The following TBCD variants were observed in gnomAD, a reference collection of about 807,000 sequenced individuals.
TBCD encodes the protein tubulin-specific chaperone D.
A neutral mutation model predicts 169.3 loss-of-function variants in TBCD; 105 were observed. That is an observed-to-expected ratio of 0.62 (90% CI 0.53 to 0.73). The LOEUF (loss-of-function observed/expected upper bound fraction) is 0.73. Ranked by LOEUF, TBCD falls within the 30% of genes least tolerant of loss-of-function variation. The pLI is 0.00. For missense variants in TBCD, 1,444 were observed against 1,600.1 expected (o/e 0.90, Z 1.66); for synonymous variants, 700 against 643.9 (o/e 1.09, Z -1.32).
At chr17:82,939,769 A>G (rs2062957103) in intron 37 of TBCD, among the ~76,000 whole-genome samples, 1 of 152,204 alleles carries the variant, frequency 6.6e-6, no homozygotes, top group Non-Finnish European at 1.5e-5. Flanking sequence ...TGGCCTGTGG[A>G]GCAGAGGGCA....
Position 82,752,152 on chromosome 17 carries a change from T to G in TBCD, c.-42T>G, listed in dbSNP as rs986519011. The G allele has an allele frequency of 1.4e-6, 2 of 1,471,218 alleles. No homozygotes were observed. The highest frequency in any genetic ancestry group is 3.0e-5 in the African/African-American group (2 of 67,524). The allele number at this position is 1,471,218 out of a possible 1,614,324, so 91.1% of individuals were successfully genotyped here. A position where few individuals can be genotyped will look rare whatever the true frequency, so the allele number is the denominator to read the frequency against. On this transcript the variant is annotated 5_prime_UTR_variant, in exon 1 of 39. Transcript: ENST00000355528. ...TTTCGCGCTCTAGCGGAGTGGGATCTGCGAACACGTGAGGCGGGGGCGCGG... is the reference window on the plus strand; with the variant it reads ...TTTCGCGCTCTAGCGGAGTGGGATCGGCGAACACGTGAGGCGGGGGCGCGG...
At chr17:82,791,091 CTTTTTT>C (rs35648641) in intron 7 of TBCD, among the ~76,000 whole-genome samples, 1 of 124,652 alleles carries the variant, frequency 8.0e-6, no homozygotes, top group Admixed American at 8.6e-5. Flanking sequence ...TCTCTTGCAT[CTTTTTT>C]TTTTTTTTTT....
intron 13 of TBCD, chr17:82,838,654 G>C: frequency 2.0e-6 from 2 of 985,448 alleles, no homozygotes; most frequent in South Asian, 9.4e-5. Flanking sequence ...CTTTTCCAGT[G>C]ATTGACTGCC....
Position 82,809,719 on chromosome 17 carries a change from T to C in TBCD, c.1160T>C (p.Met387Thr). ...CGTTTCTCTTTCAGCATCGGTAGGA[T>C]GGCTGGCAGGCTTCCCAGAGCCCTG... is the stretch of plus-strand genomic sequence containing the variant. ...RWSAAKGIGR[M>T]AGRLPRALAD... Residue 387 changes from methionine (M) to threonine (T), a missense_variant, in exon 12 of 39, where the codon ATG becomes ACG. By Grantham distance (81) the Met-to-Thr change is moderately conservative. Coordinates refer to ENST00000355528, the MANE Select transcript of TBCD (RefSeq NM_005993.5). 1.2e-6 allele frequency: 2 copies of C among 1,612,946 alleles called. No homozygotes were observed. The highest frequency in any genetic ancestry group is 1.1e-5 in the South Asian group (1 of 90,912).
chr17:82,906,345 C>T (rs1053746651), intron 20 of TBCD, among the ~76,000 whole-genome samples: 3 of 152,236 alleles, frequency 2.0e-5, no homozygotes, highest in Non-Finnish European at 4.4e-5. Flanking sequence ...CCTTGTGCAC[C>T]TCCTGGTCTC....
intron 2 of TBCD, among the ~76,000 whole-genome samples, chr17:82,757,085 T>A (rs894676016): frequency 2.6e-5 from 4 of 152,204 alleles, no homozygotes; most frequent in Non-Finnish European, 4.4e-5. Flanking sequence ...GCAGTTCACC[T>A]GGGAAAGAGG....
At chr17:82,790,877 T>C (rs1241970216) in intron 7 of TBCD, among the ~76,000 whole-genome samples, 4 of 152,112 alleles carry the variant, frequency 2.6e-5, no homozygotes, top group Admixed American at 6.5e-5. Flanking sequence ...GACCCCTCTC[T>C]GACCTCAGAC....
intron 14 of TBCD, among the ~76,000 whole-genome samples, chr17:82,875,837 C>G (rs1178153115): frequency 6.6e-6 from 1 of 152,176 alleles, no homozygotes; most frequent in African/African-American, 2.4e-5. Flanking sequence ...AATCCTGCCT[C>G]CACGTCAGCT....
At chr17:82,852,605 G>A (rs970468506) in intron 13 of TBCD, among the ~76,000 whole-genome samples, 5 of 152,266 alleles carry the variant, frequency 3.3e-5, no homozygotes, top group South Asian at 4.1e-4. Flanking sequence ...TAGCAGATCC[G>A]GGCCCCACTT....
Position 82,884,439 on chromosome 17 carries a change from G to A in TBCD, c.1533+237G>A, listed in dbSNP as rs915027927. On this transcript the variant is annotated intron_variant, in intron 15 of 38. Coordinates refer to ENST00000355528, the MANE Select transcript of TBCD (RefSeq NM_005993.5). This position sits in a 1 kb window ranked among gnomAD's most constrained non-coding sequence, Gnocchi z 4.2. The stretch of plus-strand genomic sequence containing the variant: ...CCCCAGAGCTGCAGCCATCACTGCT[G>A]GGGGTTGATGGGTGATGGAGGCGAG... 1.5e-4 allele frequency among the ~76,000 whole-genome samples: 23 copies of A among 152,240 alleles called. No individual in the cohort carries two copies. Among genetic ancestry groups the A allele is most frequent in the Non-Finnish European group, 2.5e-4 (17 of 68,036 alleles).
At chr17:82,800,142 G>T (rs1167143671) in intron 8 of TBCD, among the ~76,000 whole-genome samples, 2 of 151,376 alleles carry the variant, frequency 1.3e-5, no homozygotes, top group African/African-American at 4.9e-5. Flanking sequence ...TCAGTTGGTT[G>T]CAGTCTTGTC....
At chr17:82,856,018 T>TTG (rs1555617641) in intron 13 of TBCD, among the ~76,000 whole-genome samples, 1 of 144,124 alleles carries the variant, frequency 6.9e-6, no homozygotes, top group African/African-American at 2.6e-5. Flanking sequence ...TTTTTTTTTT[T>TTG]GTAGAGACAG....
At chr17:82,941,364 A>C in intron 37 of TBCD, 35 bp from the exon 38 acceptor site, 2 of 1,529,346 alleles carry the variant, frequency 1.3e-6, no homozygotes, top group Non-Finnish European at 1.8e-6. Context: ...TCCGGTGGGC[A>C]CTCGAGAGAC....
intron 6 of TBCD, among the ~76,000 whole-genome samples, chr17:82,773,645 C>T (rs780817395): frequency 4.6e-5 from 7 of 152,116 alleles, no homozygotes; most frequent in South Asian, 4.2e-4. Flanking sequence ...CTTTGCACCA[C>T]GGACCAGGAG....
At chr17:82,896,552 A>G (rs1280740211) in intron 17 of TBCD, among the ~76,000 whole-genome samples, 1 of 143,724 alleles carries the variant, frequency 7.0e-6, no homozygotes, top group Admixed American at 7.3e-5. Flanking sequence ...TGCAGCCTCG[A>G]CCTCTTGAGT....
At chr17:82,929,060 C>A in intron 30 of TBCD, 53 bp from the exon 31 acceptor site, 6 of 1,580,086 alleles carry the variant, frequency 3.8e-6, no homozygotes, top group Non-Finnish European at 5.1e-6. Flanking sequence ...AGTTTACCGC[C>A]CGCTCTTAAT....
Position 82,942,740 on chromosome 17 carries a change from G to A in TBCD, c.*277G>A. On this transcript the variant is annotated 3_prime_UTR_variant, in exon 39 of 39. Transcript: ENST00000355528. ...TTTGTCTCTGAGCCTGATGTGTGTA[G>A]GGGTGATGGAAAGGCTCACTGCCCA... is the stretch of plus-strand genomic sequence containing the variant. The A allele has an allele frequency of 1.8e-6, 1 of 549,800 alleles. No individual in the cohort carries two copies. The highest frequency in any genetic ancestry group is 3.2e-6 in the Non-Finnish European group (1 of 309,624). 34.1% of individuals were successfully genotyped at this position (549,800 alleles called of 1,614,324 possible). A position where few individuals can be genotyped will look rare whatever the true frequency, so the allele number is the denominator to read the frequency against.
intron 28 of TBCD, 68 bp downstream of exon 28, chr17:82,926,559 G>C (rs527471342): frequency 3.6e-6 from 5 of 1,379,408 alleles, no homozygotes; most frequent in East Asian, 2.3e-5. Flanking sequence ...CGCTAAGGGG[G>C]ATGTTTTTGC....
intron 13 of TBCD, among the ~76,000 whole-genome samples, chr17:82,860,841 A>G (rs2056696601): frequency 6.6e-6 from 1 of 152,206 alleles, no homozygotes; most frequent in African/African-American, 2.4e-5. Flanking sequence ...GAGGGAGGCC[A>G]GGAGGCCCTT....
Sources: gnomAD v4.1 joint callset for allele counts (sites outside exome capture counted in the v4.1 genomes callset) on GRCh38, gnomAD v4.1.1 for gene constraint, Gnocchi (gnomAD v3.1) non-coding constraint, MANE v1.5 for transcripts, NCBI Gene and HGNC (gene_info 2026-07-23, HGNC 2026-07-21) for gene names.